The following PDIA6 variants were observed in gnomAD, a reference collection of about 807,000 sequenced individuals.
PDIA6 encodes protein disulfide isomerase family A member 6.
In PDIA6, 29 loss-of-function variants were observed where a neutral mutation model predicts 58.4. The observed-to-expected ratio is 0.50, with a 90% CI of 0.37 to 0.68. PDIA6 has a LOEUF of 0.68. PDIA6 is among the 30% of genes least tolerant of loss of function. The probability of loss-of-function intolerance (pLI) is 0.00; values close to 1 mark genes in which losing one functional copy is unlikely to be tolerated. For missense variants in PDIA6, 480 were observed against 551.0 expected (o/e 0.87, Z 1.29); for synonymous variants, 192 against 202.6 (o/e 0.95, Z 0.44).
intron 10 of PDIA6, 24 bp from the exon 11 acceptor site, chr2:10,787,463 G>T: frequency 6.3e-7 from 1 of 1,595,010 alleles, no homozygotes; most frequent in Non-Finnish European, 8.5e-7. Context: ...CTGGTTTTTA[G>T]GGCAAATATG....
intron 2 of PDIA6, among the ~76,000 whole-genome samples, chr2:10,798,982 A>G (rs986250131): frequency 6.6e-6 from 1 of 152,208 alleles, no homozygotes; most frequent in Admixed American, 6.5e-5. Context: ...ACGTGACACC[A>G]CAAGATGGCG....
At chr2:10,806,025 TAAAAAAAA>T (rs80344702) in intron 1 of PDIA6, among the ~76,000 whole-genome samples, 2 of 71,178 alleles carry the variant, frequency 2.8e-5, no homozygotes, top group African/African-American at 9.2e-5. Flanking sequence ...AAAGTATAAT[TAAAAAAAA>T]AAAAAAAAAA....
At chr2:10,833,406 G>T (rs1667756158), upstream of PDIA6, among the ~76,000 whole-genome samples, 1 of 152,210 alleles carries the variant, frequency 6.6e-6, no homozygotes, top group African/African-American at 2.4e-5. Context: ...TTGCTGCTGT[G>T]TCTCTGAGCT....
chr2:10,784,864 G>T (rs1305216872), intron 12 of PDIA6, 70 bp downstream of exon 12: 3 of 1,145,398 alleles, frequency 2.6e-6, no homozygotes, highest in Non-Finnish European at 3.9e-6. Context: ...GACTCCAGGT[G>T]CAGAGATGCA....
At chr2:10,806,993 T>C (rs4669630) in intron 1 of PDIA6, among the ~76,000 whole-genome samples, 74,194 of 152,032 alleles carry the variant, frequency 0.49, 19,657 homozygotes, top group South Asian at 0.58. Context: ...TCTGATACAA[T>C]AGCAATTAAA....
intron 9 of PDIA6, 24 bp from the exon 10 acceptor site, chr2:10,788,793 T>C: frequency 6.3e-7 from 1 of 1,596,956 alleles, no homozygotes; most frequent in South Asian, 1.1e-5. Flanking sequence ...ACAAAGTTTT[T>C]TAAAGGTAAA....
At chr2:10,798,567 CCCA>C (rs1292242796) in intron 2 of PDIA6, among the ~76,000 whole-genome samples, 1 of 103,302 alleles carries the variant, frequency 9.7e-6, no homozygotes, top group Non-Finnish European at 2.3e-5. Context: ...GACTCTGTCC[CCCA>C]CCCAAAAAAA....
At chr2:10,828,759 C>T (rs1667626730) in intron 1 of PDIA6, among the ~76,000 whole-genome samples, 1 of 152,248 alleles carries the variant, frequency 6.6e-6, no homozygotes, top group Non-Finnish European at 1.5e-5. Flanking sequence ...ATGTGCTACA[C>T]TGGAAACCCC....
intron 2 of PDIA6, among the ~76,000 whole-genome samples, chr2:10,799,228 T>C (rs1420102322): frequency 6.6e-6 from 1 of 152,200 alleles, no homozygotes; most frequent in Middle Eastern, 3.2e-3. Context: ...TAACATTCAC[T>C]GTATGCAGAC....
chr2:10,794,467 T>C (rs1432608547), intron 4 of PDIA6, among the ~76,000 whole-genome samples: 1 of 79,296 alleles, frequency 1.3e-5, no homozygotes, highest in East Asian at 3.5e-4. Flanking sequence ...AAAAAATCTT[T>C]CTTTTTTTTT....
intron 2 of PDIA6, among the ~76,000 whole-genome samples, chr2:10,818,095 G>T (rs944045034): frequency 2.6e-4 from 39 of 152,036 alleles, no homozygotes; most frequent in African/African-American, 3.4e-4. Flanking sequence ...TTTCAGTGGG[G>T]ATAGGCAGAT....
At chr2:10,807,556 T>C (rs993853303) in intron 1 of PDIA6, among the ~76,000 whole-genome samples, 3 of 152,226 alleles carry the variant, frequency 2.0e-5, no homozygotes, top group African/African-American at 7.2e-5. Context: ...CTGAAGTTGA[T>C]CATATCATTT....
rs186019676 is a variant in PDIA6 at position 10,828,579 on chromosome 2, C to T, written c.-48+3623G>A. 4.3e-3 allele frequency among the ~76,000 whole-genome samples: 651 copies of T among 152,288 alleles called. 1 individual carries two copies. Among genetic ancestry groups the T allele is most frequent in the Middle Eastern group, 0.02 (6 of 294 alleles). On this transcript the variant is annotated intron_variant, in intron 1 of 13. Coordinates refer to the PDIA6 transcript ENST00000381611. ...CCGCCCATGCAGATGGCAGCTGGGA[C>T]GAAGGGGCAGCACAGTGCCAGTCTC...
At chr2:10,828,667 C>T (rs954608921) in intron 1 of PDIA6, among the ~76,000 whole-genome samples, 3 of 152,252 alleles carry the variant, frequency 2.0e-5, no homozygotes, top group African/African-American at 7.2e-5. Context: ...TCAGTGTCCC[C>T]TACCAGCCCC....
chr2:10,817,781 A>C (rs12475790), upstream of PDIA6, among the ~76,000 whole-genome samples: 19,327 of 152,252 alleles, frequency 0.13, 1,499 homozygotes, highest in Non-Finnish European at 0.18. Flanking sequence ...GACCGGGAAG[A>C]TCAGTGCCAC....
intron 11 of PDIA6, 88 bp downstream of exon 11, chr2:10,787,193 G>A: frequency 9.1e-7 from 1 of 1,093,928 alleles, no homozygotes. Flanking sequence ...TTTATTACCT[G>A]GCTTATATAT....
chr2:10,830,273 G>C (rs753776078), intron 1 of PDIA6, among the ~76,000 whole-genome samples: 2 of 152,236 alleles, frequency 1.3e-5, no homozygotes, highest in Non-Finnish European at 2.9e-5. Flanking sequence ...ATGAATGTTG[G>C]AATGAATGAA....
chr2:10,837,281 A>G (rs1243475391), upstream of PDIA6, among the ~76,000 whole-genome samples: 1 of 152,218 alleles, frequency 6.6e-6, no homozygotes, highest in Non-Finnish European at 1.5e-5. Flanking sequence ...CGTCCTCACA[A>G]AGACTTACTA....
upstream of PDIA6, chr2:10,832,578 C>T (rs1000073764): frequency 4.4e-6 from 1 of 226,296 alleles, no homozygotes; most frequent in Admixed American, 6.5e-5. Flanking sequence ...GCTGTGCGCT[C>T]AGGACTCGTG....
Sources: gnomAD v4.1 joint callset for allele counts (sites outside exome capture counted in the v4.1 genomes callset) on GRCh38, gnomAD v4.1.1 for gene constraint, MANE v1.5 for transcripts, NCBI Gene and HGNC (gene_info 2026-07-23, HGNC 2026-07-21) for gene names.